Variants in PGCKA1 observed in about 807,000 individuals in gnomAD.
PGCKA1 encodes PDCD10 and GCKIII kinases-associated protein 1.
the PGCKA1 span, among the ~76,000 whole-genome samples, chr4:37,511,108 C>A: frequency 6.6e-6 from 1 of 152,070 alleles, no homozygotes; most frequent in Non-Finnish European, 1.5e-5. Context: ...GGGCAGCGGA[C>A]TTTTTCTATC....
At chr4:37,511,599 T>G in the PGCKA1 span, among the ~76,000 whole-genome samples, 6 of 151,920 alleles carry the variant, frequency 3.9e-5, no homozygotes, top group Non-Finnish European at 7.4e-5. Flanking sequence ...TCCTTACTCT[T>G]CCCTCTCTTC....
the PGCKA1 span, among the ~76,000 whole-genome samples, chr4:37,494,758 C>T: frequency 1.4e-4 from 22 of 152,264 alleles, no homozygotes; most frequent in African/African-American, 5.3e-4. Flanking sequence ...TATAAGCCTT[C>T]GCTTTTCTCC....
chr4:37,533,132 A>G, the PGCKA1 span, among the ~76,000 whole-genome samples: 3 of 140,076 alleles, frequency 2.1e-5, no homozygotes, highest in Non-Finnish European at 4.8e-5. Flanking sequence ...TAAAACATTA[A>G]TAAAATATGT....
the PGCKA1 span, among the ~76,000 whole-genome samples, chr4:37,531,352 C>T: frequency 3.9e-5 from 6 of 152,124 alleles, no homozygotes; most frequent in Non-Finnish European, 8.8e-5. Context: ...ATCCCATACC[C>T]TTTGGACTGA....
At chr4:37,471,109 A>T in the PGCKA1 span, among the ~76,000 whole-genome samples, 5 of 152,216 alleles carry the variant, frequency 3.3e-5, no homozygotes, top group Non-Finnish European at 7.3e-5. Flanking sequence ...TAAATTTCGC[A>T]GTTTATTTGA....
the PGCKA1 span, among the ~76,000 whole-genome samples, chr4:37,523,250 T>C: frequency 1.3e-5 from 2 of 152,180 alleles, no homozygotes; most frequent in Non-Finnish European, 2.9e-5. Flanking sequence ...TGTTTTCCTT[T>C]CTGCCCTAAC....
the PGCKA1 span, among the ~76,000 whole-genome samples, chr4:37,585,617 A>G: frequency 8.6e-3 from 92 of 10,678 alleles, 14 homozygotes; most frequent in African/African-American, 0.022. Context: ...GGTGTTGAGG[A>G]AGGAGAGGGG....
At chr4:37,455,572 T>A in the PGCKA1 span, among the ~76,000 whole-genome samples, 1 of 152,126 alleles carries the variant, frequency 6.6e-6, no homozygotes, top group Admixed American at 6.6e-5. Context: ...GCTCCGGAGA[T>A]TTAGATAAAT....
At chr4:37,500,368 A>T in the PGCKA1 span, among the ~76,000 whole-genome samples, 5 of 152,256 alleles carry the variant, frequency 3.3e-5, no homozygotes, top group Admixed American at 2.0e-4. Context: ...CCTTAGTTTC[A>T]TTACTTACCC....
At chr4:37,569,699 T>C in the PGCKA1 span, among the ~76,000 whole-genome samples, 1 of 152,242 alleles carries the variant, frequency 6.6e-6, no homozygotes, top group Non-Finnish European at 1.5e-5. Flanking sequence ...AAAAAAGTTC[T>C]GTAGCCCAAT....
chr4:37,542,533 G>A, the PGCKA1 span, among the ~76,000 whole-genome samples: 4 of 152,172 alleles, frequency 2.6e-5, no homozygotes, highest in African/African-American at 7.2e-5. Flanking sequence ...TTAAGAACGT[G>A]TAGATCAGCA....
At chr4:37,582,335 T>C in the PGCKA1 span, among the ~76,000 whole-genome samples, 1 of 152,206 alleles carries the variant, frequency 6.6e-6, no homozygotes. Flanking sequence ...GAGGCTTCTA[T>C]CTGGCCATCT....
chr4:37,527,483 G>T, the PGCKA1 span, among the ~76,000 whole-genome samples: 1 of 151,848 alleles, frequency 6.6e-6, no homozygotes, highest in Non-Finnish European at 1.5e-5. Flanking sequence ...CTTTTATACC[G>T]CATTTTTACT....
chr4:37,566,817 A>C, the PGCKA1 span, among the ~76,000 whole-genome samples: 1 of 152,154 alleles, frequency 6.6e-6, no homozygotes, highest in Non-Finnish European at 1.5e-5. Context: ...CCTGACCTCA[A>C]GTGATCCGCC....
At chr4:37,548,790 A>G in the PGCKA1 span, among the ~76,000 whole-genome samples, 9 of 102,484 alleles carry the variant, frequency 8.8e-5, no homozygotes, top group Admixed American at 8.3e-4. Context: ...CTAGAGGATC[A>G]TAAAAGTTAA....
chr4:37,566,448 T>C, the PGCKA1 span, among the ~76,000 whole-genome samples: 1 of 152,142 alleles, frequency 6.6e-6, no homozygotes, highest in South Asian at 2.1e-4. Context: ...ACCTGGCTAA[T>C]TTTTGCATTT....
At chr4:37,467,244 A>G in the PGCKA1 span, among the ~76,000 whole-genome samples, 1 of 152,352 alleles carries the variant, frequency 6.6e-6, no homozygotes, top group East Asian at 1.9e-4. Flanking sequence ...TTAGTGTTTC[A>G]TTTTAATAAA....
the PGCKA1 span, among the ~76,000 whole-genome samples, chr4:37,515,989 TA>T: frequency 0.059 from 9,043 of 152,212 alleles, 917 homozygotes; most frequent in African/African-American, 0.21. Context: ...TACTTTTTTT[TA>T]TATATAAAAT....
chr4:37,591,042 AGCATGCAGAT>A, the PGCKA1 span: 1 of 1,521,174 alleles, frequency 6.6e-7, no homozygotes, highest in Non-Finnish European at 8.9e-7. Context: ...TGTCATGCTG[AGCATGCAGAT>A]GCATTTGCTC....
Sources: allele counts gnomAD v4.1 joint callset (sites outside exome capture counted in the v4.1 genomes callset), GRCh38; gene constraint gnomAD v4.1.1; transcripts MANE v1.5; gene names NCBI Gene and HGNC (gene_info 2026-07-23, HGNC 2026-07-21).